Variants in EIF2B1 observed in about 807,000 individuals in gnomAD.
EIF2B1 encodes eukaryotic translation initiation factor 2B subunit alpha.
A neutral mutation model predicts 36.8 loss-of-function variants in EIF2B1; 30 were observed. The ratio of observed to expected loss-of-function variants is 0.81; its 90% CI spans 0.61 to 1.10. The LOEUF (loss-of-function observed/expected upper bound fraction) is 1.10, where lower values mean the gene tolerates loss of function less well. EIF2B1 is among the 50% of genes least tolerant of loss of function. EIF2B1 has a pLI of 0.00. For missense variants in EIF2B1, 271 were observed against 374.8 expected, an observed-to-expected ratio of 0.72 and a Z score of 2.29; for synonymous variants, 139 against 142.2, an observed-to-expected ratio of 0.98 and a Z score of 0.16.
intron 6 of EIF2B1, among the ~76,000 whole-genome samples, chr12:123,625,193 CAAACA>C (rs1955139182): frequency 6.6e-6 from 1 of 152,136 alleles, no homozygotes; most frequent in African/African-American, 2.4e-5. Flanking sequence ...CAGCACAAAC[CAAACA>C]AAATTTTAAA....
chr12:123,632,340 T>C lies in EIF2B1; in HGVS notation c.115+5A>G, dbSNP rs963461769. On this transcript the variant is annotated splice_donor_5th_base_variant and intron_variant, in intron 2 of 8. Coordinates refer to ENST00000424014, the MANE Select transcript of EIF2B1 (RefSeq NM_001414.4). ...CAGAGTGTTAACAGATGACTCTCTA[T>C]ATACCTTTATCTCTCTTCAAGAACT... is the stretch of plus-strand genomic sequence containing the variant. 4 of 1,583,036 alleles carry C rather than the reference T, an allele frequency of 2.5e-6. No individual in the cohort carries two copies. In the African/African-American group the frequency reaches 5.4e-5, roughly 21 times the overall value.
chr12:123,626,184 C>T, intron 6 of EIF2B1: 1 of 548,324 alleles, frequency 1.8e-6, no homozygotes. Flanking sequence ...AAACTCAACA[C>T]TTACAGCCAT....
At chr12:123,631,951 G>C (rs186426398) in intron 2 of EIF2B1, among the ~76,000 whole-genome samples, 2 of 151,114 alleles carry the variant, frequency 1.3e-5, no homozygotes, top group Non-Finnish European at 2.9e-5. Context: ...TCCAGCCTGG[G>C]AGACAAGAGC....
intron 2 of EIF2B1, 50 bp downstream of exon 2, chr12:123,632,295 A>G (rs1955198927): frequency 2.0e-5 from 25 of 1,275,412 alleles, no homozygotes; most frequent in Non-Finnish European, 2.7e-5. Context: ...AGAAAAGAAA[A>G]AAAAGACTAT....
chr12:123,624,728 A>T, intron 7 of EIF2B1, 59 bp downstream of exon 7: 1 of 1,402,118 alleles, frequency 7.1e-7, no homozygotes, highest in East Asian at 2.3e-5. Context: ...GTGGTGTCCT[A>T]GGTCAGCAAG....
At chr12:123,628,351 CTTTTTTTTTTTTT>C (rs958119194) in intron 4 of EIF2B1, among the ~76,000 whole-genome samples, 7 of 74,980 alleles carry the variant, frequency 9.3e-5, no homozygotes, top group Admixed American at 3.1e-4. Flanking sequence ...CCCATAACCT[CTTTTTTTTTTTTT>C]TTTTTTTTTT....
chr12:123,623,753 C>T (rs1396627375), intron 7 of EIF2B1, among the ~76,000 whole-genome samples: 1 of 152,094 alleles, frequency 6.6e-6, no homozygotes, highest in Non-Finnish European at 1.5e-5. Flanking sequence ...GGATTATAGG[C>T]GTGAGCTACT....
rs751715103 is a variant in EIF2B1, at chr12:123,622,687, C to T, written c.702G>A (p.Lys234=). The change falls in exon 8 of 9, where the codon AAG becomes AAA. Residue 234 remains lysine, a synonymous_variant. Coordinates refer to ENST00000424014, the MANE Select transcript of EIF2B1 (RefSeq NM_001414.4). ...GGTTTAGTGGAAAGAGCCGGACAAA[C>T]TTGAAACTTTCTGCAACCACATAGA... is the stretch of plus-strand genomic sequence containing the variant. ...KPFYVVAESF[K]FVRLFPLNQQ... 11 of 1,614,204 alleles carry T rather than the reference C, an allele frequency of 6.8e-6. 3 individuals are homozygous for T. In the South Asian group the frequency reaches 1.2e-4, roughly 18 times the overall value.
intron 8 of EIF2B1, 134 bp from the exon 9 acceptor site, chr12:123,622,054 C>G (rs1955105428): frequency 7.9e-7 from 1 of 1,270,936 alleles, no homozygotes; most frequent in Admixed American, 2.0e-5. Flanking sequence ...CTATGCAGGA[C>G]ACTAGAGACG....
intron 7 of EIF2B1, among the ~76,000 whole-genome samples, chr12:123,623,315 A>G (rs1955122641): frequency 6.6e-6 from 1 of 151,864 alleles, no homozygotes; most frequent in East Asian, 1.9e-4. Context: ...GAACCCGGGC[A>G]CTGGAGGTTG....
In EIF2B1 at chr12:123,632,284, A is replaced by AG. The variant is rs1334617308; in HGVS notation, c.115+60_115+61insC. On this transcript the variant is annotated intron_variant, in intron 2 of 8. Transcript: ENST00000424014. ...CTCCGTCTCTTTAAAAAAAAAAAAA[A>AG]AGAAAAGAAAAAAAAGACTATCCTA... 9.5e-5 allele frequency: 103 copies of AG among 1,082,904 alleles called. 6 individuals carry two copies. The highest frequency in any genetic ancestry group is 8.4e-4 in the Middle Eastern group (4 of 4,776). The allele number at this position is 1,082,904 out of a possible 1,614,324, so 67.1% of individuals were successfully genotyped here. A position where few individuals can be genotyped will look rare whatever the true frequency, so the allele number is the denominator to read the frequency against.
In EIF2B1 at chr12:123,622,161, C is replaced by T. The variant is rs184261758; in HGVS notation, c.754-241G>A. On this transcript the variant is annotated intron_variant, in intron 8 of 8. Coordinates refer to ENST00000424014, the MANE Select transcript of EIF2B1 (RefSeq NM_001414.4). ...ATCCCATGTCCCCTCATTCTCATGCCGGATTAACTTCTCCAGACCTCTCAA... is the reference window on the plus strand; with the variant it reads ...ATCCCATGTCCCCTCATTCTCATGCTGGATTAACTTCTCCAGACCTCTCAA... Among the ~76,000 whole-genome samples, 59 of 152,284 alleles carry T rather than the reference C, an allele frequency of 3.9e-4. 1 individual carries two copies. In the East Asian group the frequency reaches 5.0e-3, roughly 13 times the overall value.
At chr12:123,623,231 A>G (rs180795716) in intron 7 of EIF2B1, among the ~76,000 whole-genome samples, 8 of 151,888 alleles carry the variant, frequency 5.3e-5, no homozygotes, top group Non-Finnish European at 7.4e-5. Context: ...AATACAAAAA[A>G]TTAGCTGGGC....
At chr12:123,633,502 C>G (rs576675149) in intron 1 of EIF2B1, 43 bp downstream of exon 1, 1 of 1,613,802 alleles carries the variant, frequency 6.2e-7, no homozygotes, top group South Asian at 1.1e-5. Flanking sequence ...GACCCCTGAA[C>G]GGCGCTGCTG....
At chr12:123,626,968 A>G (rs1357082039) in intron 5 of EIF2B1, 76 bp downstream of exon 5, 1 of 1,341,422 alleles carries the variant, frequency 7.5e-7, no homozygotes, top group South Asian at 1.2e-5. Flanking sequence ...TCTGGTTCTG[A>G]TCCTGTTGGA....
Position 123,630,251 on chromosome 12 carries a change from C to T in EIF2B1, c.287G>A (p.Arg96Gln). The T allele has an allele frequency of 3.7e-6, 6 of 1,614,154 alleles. No homozygotes were observed. Among genetic ancestry groups the T allele is most frequent in the South Asian group, 1.1e-5 (1 of 91,084 alleles). Residue 96 changes from arginine to glutamine, a missense_variant, in exon 4 of 9, where the codon CGG becomes CAG. By Grantham distance (43) the Arg-to-Gln change is conservative. Transcript: ENST00000424014. This position sits in a 1 kb window ranked among gnomAD's most constrained non-coding sequence, Gnocchi z 4.6. ...TATTCTCCTGAGAAAAAGTTCTCCC[C>T]GCTCAATCATGATCTTTTTACATTT... Reference protein sequence around the residue: ...YSKCKKIMIERGELFLRRISL... With the variant: ...YSKCKKIMIEQGELFLRRISL...
chr12:123,628,351 C>CTTTTTTTTTTTT (rs958119194), intron 4 of EIF2B1, among the ~76,000 whole-genome samples: 1 of 74,980 alleles, frequency 1.3e-5, no homozygotes, highest in East Asian at 3.9e-4. Flanking sequence ...CCCATAACCT[C>CTTTTTTTTTTTT]TTTTTTTTTT....
chr12:123,621,827 G>A lies in EIF2B1; in HGVS notation c.847C>T (p.Leu283=). 6.2e-7 allele frequency: 1 copy of A among 1,614,114 alleles called. No homozygotes were observed. The highest frequency in any genetic ancestry group is 8.5e-7 in the Non-Finnish European group (1 of 1,180,034). The change falls in exon 9 of 9, where the codon CTG becomes TTG. Residue 283 remains leucine (L), a synonymous_variant. Transcript: ENST00000424014. ...AGCACGCCCAGGTCTGTAAACAGCA[G>A]AGTGATTAAGGAAGGGGCAGTGTAG... The part of the protein sequence containing the change: ...VDYTAPSLIT[L]LFTDLGVLTP...
Position 123,624,880 on chromosome 12 carries a change from T to A in EIF2B1, c.552-18A>T. 6.2e-7 allele frequency: 1 copy of A among 1,608,656 alleles called. No individual in the cohort carries two copies. The highest frequency in any genetic ancestry group is 1.1e-5 in the South Asian group (1 of 90,966). On this transcript the variant is annotated intron_variant, in intron 6 of 8. Transcript: ENST00000424014. Reference sequence around the variant, plus strand: ...TGATGTAGCTAAGGGGAAAAAAAGCTTTTCATGCTTTATTTTCTTGGCTCT... The same window carrying A: ...TGATGTAGCTAAGGGGAAAAAAAGCATTTCATGCTTTATTTTCTTGGCTCT...
Sources: gnomAD v4.1 joint callset for allele counts (sites outside exome capture counted in the v4.1 genomes callset) on GRCh38, gnomAD v4.1.1 for gene constraint, Gnocchi (gnomAD v3.1) non-coding constraint, MANE v1.5 for transcripts, NCBI Gene and HGNC (gene_info 2026-07-23, HGNC 2026-07-21) for gene names.